The following TAF4B variants were observed in gnomAD, a reference collection of about 807,000 sequenced individuals.
TAF4B encodes TATA-box binding protein associated factor 4b, also known as transcription initiation factor TFIID subunit 4B.
Under a neutral mutation model 86.4 loss-of-function variants are expected in TAF4B, and 38 were observed. The observed-to-expected ratio is 0.44, with a 90% CI of 0.34 to 0.58. The LOEUF is 0.58. Among genes scored for constraint, TAF4B ranks in the 20% least tolerant of loss-of-function variants. TAF4B has a pLI of 0.02. For missense variants in TAF4B, 988 were observed against 1,027.6 expected, an observed-to-expected ratio of 0.96 and a Z score of 0.53; for synonymous variants, 388 against 391.2, an observed-to-expected ratio of 0.99 and a Z score of 0.10.
At chr18:26,228,368 CGTT>C (rs1419584742) in intron 1 of TAF4B, among the ~76,000 whole-genome samples, 3 of 152,068 alleles carry the variant, frequency 2.0e-5, no homozygotes, top group Non-Finnish European at 4.4e-5. Context: ...TAGTCATACA[CGTT>C]GTGGATAGAT....
chr18:26,265,798 A>G (rs1047689004), intron 2 of TAF4B, among the ~76,000 whole-genome samples: 2 of 152,168 alleles, frequency 1.3e-5, no homozygotes, highest in African/African-American at 4.8e-5. Context: ...GGCTCATGAC[A>G]GTCCTCTTAG....
chr18:26,330,039 T>TTAGTTTTTCATAGGA, intron 12 of TAF4B, among the ~76,000 whole-genome samples: 1 of 152,266 alleles, frequency 6.6e-6, no homozygotes, highest in Admixed American at 6.5e-5. Flanking sequence ...TTGTAATCAA[T>TTAGTTTTTCATAGGA]TAGTTTTTCA....
At chr18:26,291,421 C>T (rs986512673) in intron 7 of TAF4B, among the ~76,000 whole-genome samples, 3 of 152,010 alleles carry the variant, frequency 2.0e-5, no homozygotes, top group South Asian at 2.1e-4. Flanking sequence ...GTGTGATCCC[C>T]GCTGGGATTA....
chr18:26,343,811 C>T (rs1000589565), intron 13 of TAF4B, among the ~76,000 whole-genome samples: 4 of 152,088 alleles, frequency 2.6e-5, no homozygotes, highest in Non-Finnish European at 5.9e-5. Context: ...TGGTGTACCT[C>T]GGCATCCTGG....
At position 26,314,446 on chromosome 18, in the gene TAF4B, C is replaced by A. The variant is rs566500411; in HGVS notation, c.1833-783C>A. Among the ~76,000 whole-genome samples, 17 of 141,238 alleles carry A rather than the reference C, an allele frequency of 1.2e-4. No individual in the cohort carries two copies. The South Asian group carries it at 3.7e-3, about 30-fold the overall frequency. 92.7% of individuals were successfully genotyped at this position (141,238 alleles called of 152,430 possible). A position where few individuals can be genotyped will look rare whatever the true frequency, so the allele number is the denominator to read the frequency against. ...GCTGATACAAAGCAAGGAGCCCAGA[C>A]ATCTTTTGTATTTTTTATGCACATG... On this transcript the variant is annotated intron_variant, in intron 9 of 14. Transcript: ENST00000269142.
At chr18:26,363,970 A>G (rs574717363) in intron 14 of TAF4B, among the ~76,000 whole-genome samples, 2 of 152,366 alleles carry the variant, frequency 1.3e-5, no homozygotes, top group Admixed American at 1.3e-4. Context: ...TGTAACATTC[A>G]AAAACATAGC....
At chr18:26,302,640 G>A (rs1326685515) in intron 9 of TAF4B, among the ~76,000 whole-genome samples, 1 of 152,072 alleles carries the variant, frequency 6.6e-6, no homozygotes, top group Non-Finnish European at 1.5e-5. Context: ...TGGGATTACA[G>A]GTGTGAGCCA....
chr18:26,266,589 C>A (rs115260908), intron 2 of TAF4B, among the ~76,000 whole-genome samples: 3 of 151,894 alleles, frequency 2.0e-5, no homozygotes, highest in Non-Finnish European at 4.4e-5. Flanking sequence ...GGGCTGTGCG[C>A]GGTGACTCAC....
At chr18:26,264,684 A>G (rs1355587154) in intron 1 of TAF4B, among the ~76,000 whole-genome samples, 2 of 152,228 alleles carry the variant, frequency 1.3e-5, no homozygotes, top group Non-Finnish European at 2.9e-5. Context: ...AAGGGCTCAC[A>G]TTTACATATA....
chr18:26,369,450 A>C (rs2057392745), intron 14 of TAF4B, among the ~76,000 whole-genome samples: 1 of 152,234 alleles, frequency 6.6e-6, no homozygotes, highest in Non-Finnish European at 1.5e-5. Context: ...GTATTGTGTC[A>C]AACCAGCTAA....
At chr18:26,272,626 C>T (rs1349460286) in intron 3 of TAF4B, among the ~76,000 whole-genome samples, 1 of 152,062 alleles carries the variant, frequency 6.6e-6, no homozygotes, top group East Asian at 1.9e-4. Context: ...CAGTACACCC[C>T]CAAGGAACCT....
intron 13 of TAF4B, among the ~76,000 whole-genome samples, chr18:26,346,845 GTATATATATATATGTGTA>G (rs2057195936): frequency 7.2e-5 from 1 of 13,958 alleles, no homozygotes; most frequent in African/African-American, 1.4e-4. Context: ...ATGTGTGTGT[GTATATATATATATGTGTA>G]TATATATATA....
At chr18:26,238,810 A>G (rs917328773) in intron 1 of TAF4B, among the ~76,000 whole-genome samples, 7 of 152,034 alleles carry the variant, frequency 4.6e-5, no homozygotes, top group South Asian at 2.1e-4. Context: ...TCATTGTTCA[A>G]TTCTCACCTA....
At chr18:26,339,526 A>G (rs1176605838) in intron 13 of TAF4B, among the ~76,000 whole-genome samples, 1 of 152,128 alleles carries the variant, frequency 6.6e-6, no homozygotes, top group African/African-American at 2.4e-5. Flanking sequence ...GGGGTCTCCC[A>G]GTGTTATCTA....
chr18:26,331,769 G>A (rs1194955675), intron 12 of TAF4B, among the ~76,000 whole-genome samples: 8 of 151,988 alleles, frequency 5.3e-5, no homozygotes, highest in African/African-American at 1.7e-4. Flanking sequence ...TCTTTCACTT[G>A]GACTTTCATA....
At position 26,226,979 on chromosome 18, in the gene TAF4B, G is replaced by T. The variant is rs149720137; in HGVS notation, c.46G>T (p.Ala16Ser). The T allele has an allele frequency of 6.3e-4, 888 of 1,398,646 alleles. 7 individuals are homozygous for T. In the African/African-American group the frequency reaches 0.012, roughly 20 times the overall value. 86.6% of individuals were successfully genotyped at this position (1,398,646 alleles called of 1,614,324 possible). ...ACCCGCCGGCGCCGCTCCCCCGGCT[G>T]CTGTGAGCGCCTCGGGGACCGTGAC... ...TEPAGAAPPA[A>S]VSASGTVTMA... Residue 16 changes from alanine (A) to serine (S), a missense_variant, in exon 1 of 15, where the codon GCT becomes TCT. Around this residue, in one of 3 missense-constraint regions of TAF4B, gnomAD observed 747 missense variants for 737.9 expected, o/e 1.01. Transcript: ENST00000269142.
chr18:26,361,412 ACAC>A (rs1430078020), intron 14 of TAF4B, among the ~76,000 whole-genome samples: 10 of 150,802 alleles, frequency 6.6e-5, no homozygotes, highest in Non-Finnish European at 1.3e-4. Context: ...GGCATGAGCC[ACAC>A]TCTTGGCCCC....
intron 11 of TAF4B, among the ~76,000 whole-genome samples, chr18:26,321,759 A>C (rs2056965094): frequency 6.6e-6 from 1 of 152,146 alleles, no homozygotes; most frequent in Non-Finnish European, 1.5e-5. Context: ...CTACTCATTT[A>C]GCAGAAATCC....
intron 11 of TAF4B, among the ~76,000 whole-genome samples, chr18:26,325,417 A>G (rs2056995992): frequency 1.3e-5 from 2 of 152,210 alleles, no homozygotes; most frequent in South Asian, 4.1e-4. Context: ...CCAGCTGGGT[A>G]TATAGGAAGG....
Sources: allele counts gnomAD v4.1 joint callset (sites outside exome capture counted in the v4.1 genomes callset), GRCh38; gene constraint gnomAD v4.1.1; regional missense constraint gnomAD v4.1.1; transcripts MANE v1.5; gene names NCBI Gene and HGNC (gene_info 2026-07-23, HGNC 2026-07-21).